NKAIN3: variants seen among roughly 807,000 people sequenced by gnomAD.
The protein encoded by NKAIN3 is sodium/potassium transporting ATPase interacting 3.
A neutral mutation model predicts 30.2 loss-of-function variants in NKAIN3; 25 were observed. That is an observed-to-expected ratio of 0.83 (90% CI 0.60 to 1.16). NKAIN3 has a LOEUF of 1.16. Among genes scored for constraint, NKAIN3 ranks in the 50% most tolerant of loss-of-function variants. The pLI is 0.00. For synonymous variants in NKAIN3, 91 were observed against 89.6 expected (o/e 1.02, Z -0.09); for missense variants, 225 against 254.1 (o/e 0.89, Z 0.78).
intron 4 of NKAIN3, among the ~76,000 whole-genome samples, chr8:62,889,322 A>G (rs1203975225): frequency 1.3e-5 from 2 of 152,128 alleles, no homozygotes; most frequent in Admixed American, 1.3e-4. Flanking sequence ...GTGAGCCGAG[A>G]TCATGCCATT....
intron 4 of NKAIN3, among the ~76,000 whole-genome samples, chr8:62,759,086 A>G (rs1816556505): frequency 6.6e-6 from 1 of 152,194 alleles, no homozygotes; most frequent in Non-Finnish European, 1.5e-5. Flanking sequence ...ACACAAAGTA[A>G]TCTTTTAAAA....
intron 3 of NKAIN3, among the ~76,000 whole-genome samples, chr8:62,606,951 C>A (rs1317430833): frequency 1.3e-5 from 2 of 152,064 alleles, no homozygotes; most frequent in Admixed American, 1.3e-4. Flanking sequence ...ATGCCAAGAG[C>A]ATTATATTAA....
intron 1 of NKAIN3, among the ~76,000 whole-genome samples, chr8:62,516,637 T>C (rs753203073): frequency 3.3e-5 from 5 of 152,154 alleles, no homozygotes; most frequent in Non-Finnish European, 5.9e-5. Flanking sequence ...ACAAAACTTA[T>C]CTCTCATTTT....
Position 62,362,195 on chromosome 8 carries a change from A to G in NKAIN3, c.54+113068A>G, listed in dbSNP as rs1277585139. Among the ~76,000 whole-genome samples, 4 of 152,366 alleles carry G rather than the reference A, an allele frequency of 2.6e-5. No homozygotes were observed. The East Asian group carries it at 5.8e-4, about 22-fold the overall frequency. ...CAATAACTAAGAAAGTGGGCATGCT[A>G]TAAGAATTATTCTCAAGTAACAGTA... On this transcript the variant is annotated intron_variant, in intron 1 of 6. Coordinates refer to ENST00000623646, the MANE Select transcript of NKAIN3 (RefSeq NM_001304533.3).
intron 4 of NKAIN3, among the ~76,000 whole-genome samples, chr8:62,748,526 G>C (rs565786781): frequency 6.6e-6 from 1 of 152,274 alleles, no homozygotes; most frequent in Non-Finnish European, 1.5e-5. Context: ...AAGGTGAGAA[G>C]ACAAGGAGGC....
chr8:62,623,706 G>A (rs776488781), intron 3 of NKAIN3, among the ~76,000 whole-genome samples: 3 of 152,026 alleles, frequency 2.0e-5, no homozygotes, highest in Non-Finnish European at 4.4e-5. Flanking sequence ...TATAAGAAAC[G>A]TTTTATTTCT....
chr8:62,852,822 T>A (rs1819950075), intron 4 of NKAIN3, among the ~76,000 whole-genome samples: 1 of 152,196 alleles, frequency 6.6e-6, no homozygotes, highest in African/African-American at 2.4e-5. Flanking sequence ...TGAGAGACAG[T>A]TTGTTATCAT....
intron 1 of NKAIN3, chr8:62,483,410 A>C: frequency 4.7e-6 from 1 of 212,052 alleles, no homozygotes; most frequent in Non-Finnish European, 1.0e-5. Flanking sequence ...TAAACTCTTC[A>C]GCATTTCATA....
At chr8:62,348,026 GTTTT>G (rs573273162) in intron 1 of NKAIN3, among the ~76,000 whole-genome samples, 1 of 59,640 alleles carries the variant, frequency 1.7e-5, no homozygotes, top group Non-Finnish European at 5.7e-5. Context: ...ATTTTTTATT[GTTTT>G]TTTATTGTTT....
At chr8:62,409,214 C>T (rs986230274) in intron 1 of NKAIN3, among the ~76,000 whole-genome samples, 8 of 151,934 alleles carry the variant, frequency 5.3e-5, no homozygotes, top group African/African-American at 9.7e-5. Context: ...GATGGAGTTT[C>T]GCTCTTGTTG....
chr8:62,534,655 C>G (rs1380327909), intron 1 of NKAIN3, among the ~76,000 whole-genome samples: 1 of 152,136 alleles, frequency 6.6e-6, no homozygotes. Flanking sequence ...CACCCCCAGA[C>G]TTTCCTTCTG....
intron 5 of NKAIN3, chr8:62,999,157 G>T (rs945901984): frequency 7.9e-5 from 12 of 152,100 alleles, no homozygotes; most frequent in African/African-American, 2.9e-4. Context: ...GTTTTGTATT[G>T]TTATAAAGGA....
At chr8:62,903,052 T>C (rs1475645234) in intron 4 of NKAIN3, among the ~76,000 whole-genome samples, 1 of 152,236 alleles carries the variant, frequency 6.6e-6, no homozygotes, top group Non-Finnish European at 1.5e-5. Context: ...GGCCAGCGAA[T>C]CATTTGTTTT....
intron 3 of NKAIN3, among the ~76,000 whole-genome samples, chr8:62,617,147 C>T (rs1208524025): frequency 4.6e-5 from 7 of 152,180 alleles, no homozygotes; most frequent in Non-Finnish European, 1.5e-5. Context: ...AATGCAAGTG[C>T]CATGCTTCTA....
chr8:62,543,812 ATATAACTGTTAT>A (rs1808919298), intron 1 of NKAIN3, among the ~76,000 whole-genome samples: 1 of 152,172 alleles, frequency 6.6e-6, no homozygotes, highest in Non-Finnish European at 1.5e-5. Flanking sequence ...GTTTGGTAAA[ATATAACTGTTAT>A]GCTTCTTCTC....
rs571917931 is a variant in NKAIN3 at position 62,908,751 on chromosome 8, C to T, written c.472-9702C>T. Among the ~76,000 whole-genome samples, 288 of 152,306 alleles carry T rather than the reference C, an allele frequency of 1.9e-3. 2 individuals carry two copies. Among genetic ancestry groups the T allele is most frequent in the Non-Finnish European group, 1.9e-3 (129 of 68,034 alleles). On this transcript the variant is annotated intron_variant, in intron 4 of 6. Transcript: ENST00000623646. ...GCCATGGAGCTGTGAGTCCATTAAA[C>T]CTCTTTCCTTTATAAATTACCCAGT...
At chr8:62,877,783 G>A (rs1820844076) in intron 4 of NKAIN3, among the ~76,000 whole-genome samples, 1 of 152,240 alleles carries the variant, frequency 6.6e-6, no homozygotes, top group South Asian at 2.1e-4. Context: ...GCTCACACCT[G>A]TAATCCCAGC....
intron 4 of NKAIN3, among the ~76,000 whole-genome samples, chr8:62,842,425 T>A (rs1219040174): frequency 6.6e-6 from 1 of 152,056 alleles, no homozygotes; most frequent in Admixed American, 6.6e-5. Flanking sequence ...ATTATTAAAA[T>A]TCCCATACTA....
At chr8:62,806,099 A>G (rs535591725) in intron 4 of NKAIN3, among the ~76,000 whole-genome samples, 9 of 152,336 alleles carry the variant, frequency 5.9e-5, no homozygotes, top group Admixed American at 1.3e-4. Flanking sequence ...CAAAACCACA[A>G]TGAGATATCA....
Sources: allele counts gnomAD v4.1 joint callset (sites outside exome capture counted in the v4.1 genomes callset), GRCh38; gene constraint gnomAD v4.1.1; transcripts MANE v1.5; gene names NCBI Gene and HGNC (gene_info 2026-07-23, HGNC 2026-07-21).